MGA: variants seen among roughly 807,000 people sequenced by gnomAD.
MGA encodes the protein MAX gene-associated protein.
In MGA, 40 loss-of-function variants were observed where a neutral mutation model predicts 261.1. That is an observed-to-expected ratio of 0.15 (90% CI 0.12 to 0.20). MGA has a LOEUF of 0.20. MGA is among the 10% of genes least tolerant of loss of function. The probability of loss-of-function intolerance (pLI) is 1.00; values close to 1 mark genes in which losing one functional copy is unlikely to be tolerated. For missense variants in MGA, 3,397 were observed against 3,630.5 expected, an observed-to-expected ratio of 0.94 and a Z score of 1.65; for synonymous variants, 1,302 against 1,290.6, an observed-to-expected ratio of 1.01 and a Z score of -0.19.
chr15:41,624,518 A>G (rs1194473312), intron 1 of MGA, among the ~76,000 whole-genome samples: 1 of 152,054 alleles, frequency 6.6e-6, no homozygotes, highest in East Asian at 1.9e-4. Context: ...TATTTTTAGT[A>G]GAGACGGGGT....
At chr15:41,680,867 GTTCTT>G (rs2058631669) in intron 2 of MGA, among the ~76,000 whole-genome samples, 1 of 152,160 alleles carries the variant, frequency 6.6e-6, no homozygotes, top group Non-Finnish European at 1.5e-5. Context: ...TTAATCTTCA[GTTCTT>G]TTCCCCACCC....
chr15:41,672,953 T>A (rs2058149974), intron 2 of MGA, among the ~76,000 whole-genome samples: 2 of 152,186 alleles, frequency 1.3e-5, no homozygotes, highest in African/African-American at 4.8e-5. Context: ...TTGTTTTAGC[T>A]AATGTTATTG....
At position 41,669,766 on chromosome 15, in the gene MGA, G is replaced by C; in HGVS notation, c.872G>C (p.Arg291Pro). 1 of 1,613,864 alleles carries C rather than the reference G, an allele frequency of 6.2e-7. No homozygotes were observed. Among genetic ancestry groups the C allele is most frequent in the Non-Finnish European group, 8.5e-7 (1 of 1,179,830 alleles). The stretch of plus-strand genomic sequence containing the variant: ...AATATTTCCAGTTCTTCTGGTCATC[G>C]GGTCCGTCTTACAGAAGGTCAGGGG... The change falls in exon 2 of 24, where the codon CGG (arginine) becomes CCG (proline). Residue 291 changes from arginine to proline, a missense_variant. This residue lies in a region of MGA where 563 missense variants were observed against 563.6 expected (regional missense o/e 1.00). Transcript: ENST00000219905.
chr15:41,742,070 A>G (rs898055099), intron 14 of MGA, among the ~76,000 whole-genome samples: 3 of 151,740 alleles, frequency 2.0e-5, no homozygotes, highest in East Asian at 3.9e-4. Flanking sequence ...GGTCAAGGCA[A>G]GCGTTTGATT....
intron 1 of MGA, among the ~76,000 whole-genome samples, chr15:41,667,368 C>A (rs1283475984): frequency 6.6e-6 from 1 of 151,940 alleles, no homozygotes; most frequent in Non-Finnish European, 1.5e-5. Flanking sequence ...GTCTTAGCCT[C>A]CCGAGTACCT....
At chr15:41,737,563 A>G (rs924255530) in intron 13 of MGA, among the ~76,000 whole-genome samples, 3 of 152,182 alleles carry the variant, frequency 2.0e-5, no homozygotes, top group African/African-American at 7.2e-5. Context: ...TTGTTAGTGT[A>G]ACTGTTGTAG....
intron 9 of MGA, among the ~76,000 whole-genome samples, chr15:41,721,573 A>G (rs529474579): frequency 1.3e-5 from 2 of 152,322 alleles, no homozygotes; most frequent in South Asian, 4.1e-4. Flanking sequence ...AAAATGAGCA[A>G]GAGTTTTAGA....
upstream of MGA, among the ~76,000 whole-genome samples, chr15:41,657,339 CTTTTTTTTTTTTT>C (rs373920516): frequency 4.7e-5 from 5 of 106,922 alleles, no homozygotes; most frequent in South Asian, 3.0e-4. Flanking sequence ...AGTGAAGGCC[CTTTTTTTTTTTTT>C]TTTTTTTTTT....
At chr15:41,723,215 A>G (rs17677757) in intron 9 of MGA, among the ~76,000 whole-genome samples, 37,850 of 151,606 alleles carry the variant, frequency 0.25, 5,207 homozygotes, top group Middle Eastern at 0.43. Flanking sequence ...GAGAATCTCT[A>G]GTGTCATTAT....
chr15:41,725,834 CA>C (rs1204528358), intron 9 of MGA, among the ~76,000 whole-genome samples: 194 of 9,030 alleles, frequency 0.021, 27 homozygotes, highest in South Asian at 0.04. Context: ...GACTCCGTCT[CA>C]AAAAAAAAAA....
chr15:41,673,133 CTTATA>C (rs1306273914), intron 2 of MGA, among the ~76,000 whole-genome samples: 3 of 152,112 alleles, frequency 2.0e-5, no homozygotes, highest in Non-Finnish European at 4.4e-5. Context: ...TTACTGACTC[CTTATA>C]TTATAATATA....
chr15:41,744,200 G>A lies in MGA; in HGVS notation c.5212+1028G>A, dbSNP rs573166282. Among the ~76,000 whole-genome samples, 34 of 151,388 alleles carry A rather than the reference G, an allele frequency of 2.2e-4. No individual in the cohort carries two copies. The South Asian group carries it at 5.8e-3, about 26-fold the overall frequency. On this transcript the variant is annotated intron_variant, in intron 15 of 23. Transcript: ENST00000219905. ...TCTATATATATATATGTGTGTGTGT[G>A]TATATATATATATATTTTTTTGAGA... is the stretch of plus-strand genomic sequence containing the variant.
chr15:41,659,117 C>T (rs978365837), upstream of MGA, among the ~76,000 whole-genome samples: 3 of 152,150 alleles, frequency 2.0e-5, no homozygotes, highest in Admixed American at 6.5e-5. Flanking sequence ...ATCTTGAATG[C>T]TCTTGCTGAC....
chr15:41,707,434 G>A (rs1475518729), intron 5 of MGA, among the ~76,000 whole-genome samples: 2 of 152,098 alleles, frequency 1.3e-5, no homozygotes, highest in Non-Finnish European at 2.9e-5. Flanking sequence ...TATCATGCAC[G>A]TCCCATCTCC....
intron 1 of MGA, among the ~76,000 whole-genome samples, chr15:41,666,107 C>G (rs992119165): frequency 6.7e-6 from 1 of 148,412 alleles, no homozygotes; most frequent in Non-Finnish European, 1.5e-5. Flanking sequence ...TTTGACCAGG[C>G]TGGTCTTGAA....
intron 1 of MGA, among the ~76,000 whole-genome samples, chr15:41,640,066 G>GGT (rs2056790482): frequency 6.6e-6 from 1 of 152,062 alleles, no homozygotes; most frequent in Non-Finnish European, 1.5e-5. Flanking sequence ...ACACAGCAAG[G>GGT]GCATCAAGGC....
In MGA at chr15:41,749,397, T is replaced by G; in HGVS notation, c.5790T>G (p.Pro1930=). The change falls in exon 17 of 24, where the codon CCT becomes CCG. Residue 1930 remains proline (P), a synonymous_variant. Coordinates refer to ENST00000219905, the MANE Select transcript of MGA (RefSeq NM_001164273.2). ...TAACTTATAGCTCAGGAGGACAGCC[T>G]GTTGGTACAGCCAGTCTTATTCCTC... 1 of 1,614,024 alleles carries G rather than the reference T, an allele frequency of 6.2e-7. No individual in the cohort carries two copies. Among genetic ancestry groups the G allele is most frequent in the East Asian group, 2.2e-5 (1 of 44,888 alleles).
At chr15:41,690,573 G>C (rs1763047028) in intron 2 of MGA, among the ~76,000 whole-genome samples, 1 of 152,106 alleles carries the variant, frequency 6.6e-6, no homozygotes, top group African/African-American at 2.4e-5. Context: ...TCACACTGTT[G>C]ACTGGGCACG....
At chr15:41,656,540 G>C (rs1363653116), upstream of MGA, among the ~76,000 whole-genome samples, 3 of 151,102 alleles carry the variant, frequency 2.0e-5, no homozygotes, top group Non-Finnish European at 4.4e-5. Context: ...TTTTATTTTT[G>C]GTAGAGACAG....
Sources: allele counts gnomAD v4.1 joint callset (sites outside exome capture counted in the v4.1 genomes callset), GRCh38; gene constraint gnomAD v4.1.1; regional missense constraint gnomAD v4.1.1; transcripts MANE v1.5; gene names NCBI Gene and HGNC (gene_info 2026-07-23, HGNC 2026-07-21).